LIPK: variants seen among roughly 807,000 people sequenced by gnomAD.
The protein encoded by LIPK is lipase family member K.
A neutral mutation model predicts 48.6 loss-of-function variants in LIPK; 32 were observed. The observed-to-expected ratio is 0.66, with a 90% CI of 0.50 to 0.88. LIPK has a LOEUF of 0.88. Among genes scored for constraint, LIPK ranks in the 40% least tolerant of loss-of-function variants. The pLI, the probability that LIPK is intolerant of heterozygous loss-of-function variation, is 0.00. For synonymous variants in LIPK, 164 were observed against 157.4 expected, an observed-to-expected ratio of 1.04 and a Z score of -0.32; for missense variants, 507 against 478.5, an observed-to-expected ratio of 1.06 and a Z score of -0.56.
chr10:88,751,876 C>T (rs960070566), intron 9 of LIPK, among the ~76,000 whole-genome samples: 1 of 152,184 alleles, frequency 6.6e-6, no homozygotes, highest in African/African-American at 2.4e-5. Context: ...ACGTGCCCAT[C>T]TCTCATACAA....
intron 1 of LIPK, among the ~76,000 whole-genome samples, chr10:88,715,900 C>T (rs1231537071): frequency 6.6e-6 from 1 of 151,854 alleles, no homozygotes; most frequent in African/African-American, 2.4e-5. Flanking sequence ...TTAAAATATG[C>T]CTACCTCAAG....
intron 1 of LIPK, among the ~76,000 whole-genome samples, chr10:88,710,010 T>C (rs1427291347): frequency 6.6e-6 from 1 of 152,076 alleles, no homozygotes; most frequent in African/African-American, 2.4e-5. Flanking sequence ...CTATAGACTA[T>C]TGGTATATAC....
intron 3 of LIPK, chr10:88,728,766 A>T (rs937931671): frequency 3.7e-4 from 88 of 236,562 alleles, no homozygotes; most frequent in Admixed American, 6.1e-4. Flanking sequence ...GCCCTCAGCT[A>T]TGGCCTGGAC....
At chr10:88,727,780 C>T (rs145438747) in intron 3 of LIPK, 129 of 278,164 alleles carry the variant, frequency 4.6e-4, no homozygotes, top group African/African-American at 2.6e-3. Flanking sequence ...TGGATCCCAA[C>T]ATCCATGCTG....
intron 9 of LIPK, among the ~76,000 whole-genome samples, chr10:88,746,249 AC>A (rs1842763972): frequency 6.6e-6 from 1 of 152,168 alleles, no homozygotes; most frequent in South Asian, 2.1e-4. Flanking sequence ...GATATTTGGG[AC>A]CTAAACTTGA....
chr10:88,724,718 T>C, intron 2 of LIPK, 70 bp downstream of exon 2: 2 of 1,070,120 alleles, frequency 1.9e-6, no homozygotes, highest in Non-Finnish European at 2.7e-6. Flanking sequence ...TAGATACAAC[T>C]GGTGTGCCTT....
chr10:88,737,662 C>T lies in LIPK; in HGVS notation c.697C>T (p.Pro233Ser). 6.2e-7 allele frequency: 1 copy of T among 1,613,726 alleles called. No homozygotes were observed. Among genetic ancestry groups the T allele is most frequent in the Non-Finnish European group, 8.5e-7 (1 of 1,179,728 alleles). The change falls in exon 7 of 10, where the codon CCT becomes TCT. Residue 233 changes from proline (P) to serine (S), a missense_variant. Coordinates refer to ENST00000404190, the MANE Select transcript of LIPK (RefSeq NM_001080518.2). The stretch of plus-strand genomic sequence containing the variant: ...GTTGTTTGGTGACAAAATGTTCCAC[C>T]CTCATACATTGTTTGACCAATTCAT... The part of the protein sequence containing the change: ...KVLFGDKMFH[P>S]HTLFDQFIAT...
chr10:88,728,971 G>A (rs1482293213), intron 3 of LIPK: 2 of 158,424 alleles, frequency 1.3e-5, no homozygotes, highest in African/African-American at 2.4e-5. Context: ...CCCACATCCT[G>A]CTGGGGAGGC....
intron 8 of LIPK, among the ~76,000 whole-genome samples, chr10:88,742,461 T>G (rs535531927): frequency 7.9e-5 from 12 of 152,224 alleles, no homozygotes; most frequent in Non-Finnish European, 1.8e-4. Context: ...AAACACAGAA[T>G]AGTCTGAGAA....
At chr10:88,724,359 C>A (rs1046646973) in intron 1 of LIPK, among the ~76,000 whole-genome samples, 174 bp from the exon 2 acceptor site, 21 of 152,076 alleles carry the variant, frequency 1.4e-4, no homozygotes, top group African/African-American at 4.6e-4. Flanking sequence ...ACTAAAAAGT[C>A]ATTTTAGATT....
At chr10:88,727,595 A>G in intron 3 of LIPK, 1 of 161,614 alleles carries the variant, frequency 6.2e-6, no homozygotes, top group Non-Finnish European at 1.3e-5. Context: ...TTGGTACAGG[A>G]GCATACCCAG....
chr10:88,726,493 C>T (rs1406203652), intron 2 of LIPK, among the ~76,000 whole-genome samples: 1 of 152,188 alleles, frequency 6.6e-6, no homozygotes, highest in Non-Finnish European at 1.5e-5. Flanking sequence ...GAGTTTAAGA[C>T]CAGCCTGGGC....
chr10:88,715,041 T>C (rs1842091435), intron 1 of LIPK, among the ~76,000 whole-genome samples: 1 of 152,130 alleles, frequency 6.6e-6, no homozygotes, highest in African/African-American at 2.4e-5. Flanking sequence ...CAAATTTTGA[T>C]ATGTCATGTT....
intron 1 of LIPK, among the ~76,000 whole-genome samples, chr10:88,708,053 A>T (rs1841966822): frequency 6.6e-6 from 1 of 152,142 alleles, no homozygotes. Context: ...ATTCTAATTG[A>T]TAAACAACAG....
chr10:88,751,657 G>T (rs1040909223), intron 9 of LIPK, among the ~76,000 whole-genome samples: 5 of 152,154 alleles, frequency 3.3e-5, no homozygotes, highest in Non-Finnish European at 7.3e-5. Context: ...ATAGTTAGAT[G>T]TACGTGGCAG....
chr10:88,710,879 G>A (rs1402117221), intron 1 of LIPK, among the ~76,000 whole-genome samples: 1 of 152,146 alleles, frequency 6.6e-6, no homozygotes, highest in African/African-American at 2.4e-5. Flanking sequence ...TAGAGTTTCT[G>A]AGAGTCACTG....
Position 88,731,426 on chromosome 10 carries a change from T to C in LIPK, c.422+245T>C, listed in dbSNP as rs184073698. 3.9e-5 allele frequency among the ~76,000 whole-genome samples: 6 copies of C among 152,194 alleles called. No homozygotes were observed. The East Asian group carries it at 1.2e-3, about 29-fold the overall frequency. ...CTGCGTGTGAGTGAGTGTGTGTGTG[T>C]ATGTTCTGGGGGAAGTAAGAAGAAA... is the stretch of plus-strand genomic sequence containing the variant. On this transcript the variant is annotated intron_variant, in intron 4 of 9. Transcript: ENST00000404190.
chr10:88,741,706 G>GA (rs887148214), intron 8 of LIPK, among the ~76,000 whole-genome samples: 6 of 152,054 alleles, frequency 3.9e-5, no homozygotes, highest in African/African-American at 7.2e-5. Flanking sequence ...TAATACTAGT[G>GA]AAAAAAAGCT....
intron 9 of LIPK, among the ~76,000 whole-genome samples, chr10:88,746,129 A>G (rs1842761989): frequency 6.6e-6 from 1 of 152,164 alleles, no homozygotes; most frequent in South Asian, 2.1e-4. Context: ...TTCATAAAAC[A>G]AGTCCTTAGA....
Sources: allele counts gnomAD v4.1 joint callset (sites outside exome capture counted in the v4.1 genomes callset), GRCh38; gene constraint gnomAD v4.1.1; transcripts MANE v1.5; gene names NCBI Gene and HGNC (gene_info 2026-07-23, HGNC 2026-07-21).